LRRTM4: variants seen among roughly 807,000 people sequenced by gnomAD.
LRRTM4 encodes the protein leucine-rich repeat transmembrane neuronal protein 4.
Under a neutral mutation model 47.6 loss-of-function variants are expected in LRRTM4, and 25 were observed. The ratio of observed to expected loss-of-function variants is 0.53; its 90% CI spans 0.38 to 0.73. The LOEUF is 0.73. LRRTM4 is among the 30% of genes least tolerant of loss of function. LRRTM4 has a pLI of 0.00. For synonymous variants in LRRTM4, 311 were observed against 269.5 expected, an observed-to-expected ratio of 1.15 and a Z score of -1.51; for missense variants, 638 against 713.4, an observed-to-expected ratio of 0.89 and a Z score of 1.20.
At chr2:76,760,010 A>G (rs1412951920) in intron 3 of LRRTM4, among the ~76,000 whole-genome samples, 2 of 152,140 alleles carry the variant, frequency 1.3e-5, no homozygotes, top group African/African-American at 4.8e-5. Flanking sequence ...GAAAACTTCT[A>G]TGACAAGTTT....
At chr2:76,803,792 T>C (rs1459591274) in intron 3 of LRRTM4, among the ~76,000 whole-genome samples, 1 of 152,202 alleles carries the variant, frequency 6.6e-6, no homozygotes, top group East Asian at 1.9e-4. Flanking sequence ...CCATAACTAA[T>C]AACAGTGGTT....
At chr2:77,227,701 A>G (rs1324783562) in intron 3 of LRRTM4, among the ~76,000 whole-genome samples, 1 of 152,126 alleles carries the variant, frequency 6.6e-6, no homozygotes, top group African/African-American at 2.4e-5. Context: ...CTTGTTTCAC[A>G]ACATTTTAAA....
chr2:76,771,309 G>A (rs1339787860), intron 3 of LRRTM4, among the ~76,000 whole-genome samples: 1 of 152,198 alleles, frequency 6.6e-6, no homozygotes, highest in African/African-American at 2.4e-5. Flanking sequence ...CATGACCTTA[G>A]AGGGTTTCGG....
At chr2:76,850,199 G>A (rs957405510) in intron 3 of LRRTM4, among the ~76,000 whole-genome samples, 3 of 151,818 alleles carry the variant, frequency 2.0e-5, no homozygotes, top group Non-Finnish European at 2.9e-5. Context: ...CTGTCCATAC[G>A]GTTTCTGCCC....
chr2:77,445,119 T>G (rs1053960470), intron 3 of LRRTM4, among the ~76,000 whole-genome samples: 2 of 152,072 alleles, frequency 1.3e-5, no homozygotes, highest in African/African-American at 4.8e-5. Flanking sequence ...TTGTGTATGA[T>G]TAAAGACAAT....
intron 3 of LRRTM4, among the ~76,000 whole-genome samples, chr2:77,190,829 A>T (rs907819998): frequency 5.3e-5 from 8 of 152,146 alleles, no homozygotes; most frequent in Admixed American, 3.3e-4. Context: ...ATATACATAA[A>T]CTGTACTTAG....
intron 3 of LRRTM4, among the ~76,000 whole-genome samples, chr2:77,346,915 A>C (rs1671583444): frequency 6.6e-6 from 1 of 152,050 alleles, no homozygotes; most frequent in African/African-American, 2.4e-5. Context: ...CAAAACATGA[A>C]AATTTATGTG....
intron 3 of LRRTM4, among the ~76,000 whole-genome samples, chr2:76,872,140 T>G (rs1366572666): frequency 6.6e-6 from 1 of 152,170 alleles, no homozygotes; most frequent in Non-Finnish European, 1.5e-5. Context: ...TAATACAATA[T>G]GCTTCTGATT....
At chr2:77,215,651 T>C (rs1333564377) in intron 3 of LRRTM4, among the ~76,000 whole-genome samples, 2 of 152,356 alleles carry the variant, frequency 1.3e-5, no homozygotes, top group African/African-American at 4.8e-5. Context: ...TCAATTTTAT[T>C]TGAAGTGACT....
chr2:76,904,122 C>T (rs560077665), intron 3 of LRRTM4, among the ~76,000 whole-genome samples: 1 of 152,304 alleles, frequency 6.6e-6, no homozygotes, highest in East Asian at 1.9e-4. Flanking sequence ...AGTTACTTCT[C>T]AGGGTTCATG....
At chr2:77,509,509 G>A (rs567467343) in intron 3 of LRRTM4, among the ~76,000 whole-genome samples, 1 of 152,140 alleles carries the variant, frequency 6.6e-6, no homozygotes, top group Non-Finnish European at 1.5e-5. Context: ...GGGACGGAAA[G>A]GTCATGTTTA....
intron 3 of LRRTM4, among the ~76,000 whole-genome samples, chr2:76,881,078 A>G (rs1672915462): frequency 1.3e-5 from 2 of 152,164 alleles, no homozygotes; most frequent in Non-Finnish European, 2.9e-5. Flanking sequence ...ACAATTTCAA[A>G]CAGCAAGAAA....
At chr2:76,875,299 C>T (rs1313266344) in intron 3 of LRRTM4, among the ~76,000 whole-genome samples, 2 of 152,124 alleles carry the variant, frequency 1.3e-5, no homozygotes, top group African/African-American at 2.4e-5. Context: ...CTACCACATC[C>T]TGATTTCCCT....
At chr2:77,003,200 G>A (rs1332952034) in intron 3 of LRRTM4, among the ~76,000 whole-genome samples, 1 of 151,702 alleles carries the variant, frequency 6.6e-6, no homozygotes, top group Non-Finnish European at 1.5e-5. Flanking sequence ...CCTGTTGATA[G>A]AATTTTGTCC....
At chr2:76,984,225 T>G (rs1026685107) in intron 3 of LRRTM4, among the ~76,000 whole-genome samples, 1 of 152,056 alleles carries the variant, frequency 6.6e-6, no homozygotes, top group African/African-American at 2.4e-5. Flanking sequence ...AGCTTTATGA[T>G]GTATTGTTGA....
At chr2:77,074,473 T>C (rs919288879) in intron 3 of LRRTM4, among the ~76,000 whole-genome samples, 2 of 152,060 alleles carry the variant, frequency 1.3e-5, no homozygotes, top group African/African-American at 4.8e-5. Context: ...CTTGGAATTA[T>C]AAAAAACTGA....
chr2:77,317,913 T>A (rs765337957), intron 3 of LRRTM4, among the ~76,000 whole-genome samples: 3 of 151,974 alleles, frequency 2.0e-5, no homozygotes, highest in Non-Finnish European at 4.4e-5. Context: ...AAGGCTCACA[T>A]GAAGGATTTT....
At chr2:77,354,950 T>C (rs914212898) in intron 3 of LRRTM4, among the ~76,000 whole-genome samples, 39 of 28,186 alleles carry the variant, frequency 1.4e-3, no homozygotes, top group African/African-American at 2.3e-3. Flanking sequence ...TGGTTTTACA[T>C]ATACATAAAG....
In LRRTM4 at chr2:77,465,934, G is replaced by T. The variant is rs1269475360; in HGVS notation, c.1551+52384C>A. On this transcript the variant is annotated intron_variant, in intron 3 of 3. Transcript: ENST00000409884. ...CACCTAGGTAATGATAAAAGCAGCA[G>T]GCTTCTCAAATGCAATATGGACTGT... Among the ~76,000 whole-genome samples the T allele has an allele frequency of 7.9e-3, 1,203 of 152,212 alleles. 5 individuals carry two copies. The highest frequency in any genetic ancestry group is 0.012 in the Non-Finnish European group (787 of 68,000).
Sources: allele counts gnomAD v4.1 joint callset (sites outside exome capture counted in the v4.1 genomes callset), GRCh38; gene constraint gnomAD v4.1.1; transcripts MANE v1.5; gene names NCBI Gene and HGNC (gene_info 2026-07-23, HGNC 2026-07-21).